The following PRKAR2B variants were observed in gnomAD, a reference collection of about 807,000 sequenced individuals.
The protein encoded by PRKAR2B is protein kinase cAMP-dependent type II regulatory subunit beta.
A neutral mutation model predicts 49.9 loss-of-function variants in PRKAR2B; 14 were observed. That is an observed-to-expected ratio of 0.28 (90% CI 0.19 to 0.44). PRKAR2B has a LOEUF of 0.44. Ranked by LOEUF, PRKAR2B falls within the 20% of genes least tolerant of loss-of-function variation. The probability of loss-of-function intolerance (pLI) is 1.00; values close to 1 mark genes in which losing one functional copy is unlikely to be tolerated. For missense variants in PRKAR2B, 393 were observed against 537.9 expected, an observed-to-expected ratio of 0.73 and a Z score of 2.67; for synonymous variants, 196 against 197.7, an observed-to-expected ratio of 0.99 and a Z score of 0.07.
intron 1 of PRKAR2B, among the ~76,000 whole-genome samples, chr7:107,050,449 A>G (rs978454924): frequency 1.4e-5 from 2 of 144,168 alleles, no homozygotes; most frequent in East Asian, 2.1e-4. Flanking sequence ...ATCTCATTCC[A>G]TGGATTCCAG....
At position 107,065,322 on chromosome 7, in the gene PRKAR2B, ATGTGTGTGTGTGTGTGTGTGTGTGTG is replaced by A. The variant is rs71134248; in HGVS notation, c.308-4929_308-4904del. On this transcript the variant is annotated intron_variant, in intron 1 of 10. Transcript: ENST00000265717. ...ATTTTTGTTTGCTCGGGGTGTGTGT[ATGTGTGTGTGTGTGTGTGTGTGTGTG>A]TGTGTGTGTGTGTGTGTGTGTGTGT... is the stretch of plus-strand genomic sequence containing the variant. Among the ~76,000 whole-genome samples the A allele has an allele frequency of 2.6e-4, 38 of 143,914 alleles. No individual in the cohort carries two copies. The South Asian group carries it at 2.7e-3, about 10-fold the overall frequency. The allele number at this position is 143,914 out of a possible 152,430, so 94.4% of individuals were successfully genotyped here.
At chr7:107,143,208 A>C (rs886561428) in intron 5 of PRKAR2B, among the ~76,000 whole-genome samples, 2 of 152,226 alleles carry the variant, frequency 1.3e-5, no homozygotes, top group African/African-American at 4.8e-5. Flanking sequence ...CAAAAGTATA[A>C]ATAGTGTAAA....
intron 2 of PRKAR2B, among the ~76,000 whole-genome samples, chr7:107,119,129 G>A (rs566844188): frequency 6.6e-6 from 1 of 152,154 alleles, no homozygotes; most frequent in Non-Finnish European, 1.5e-5. Flanking sequence ...AGGACTTAGG[G>A]GCTAGGCACT....
intron 4 of PRKAR2B, among the ~76,000 whole-genome samples, chr7:107,133,263 T>A (rs2191917): frequency 6.6e-6 from 1 of 152,134 alleles, no homozygotes; most frequent in Admixed American, 6.5e-5. Flanking sequence ...GGAATTGCCT[T>A]TTCATATATC....
At chr7:107,076,647 A>G (rs958953265) in intron 2 of PRKAR2B, among the ~76,000 whole-genome samples, 2 of 152,176 alleles carry the variant, frequency 1.3e-5, no homozygotes, top group African/African-American at 4.8e-5. Context: ...ATTATTTCTT[A>G]TAATAGAAGG....
intron 1 of PRKAR2B, among the ~76,000 whole-genome samples, chr7:107,053,290 A>G (rs1793845461): frequency 6.6e-6 from 1 of 152,228 alleles, no homozygotes; most frequent in South Asian, 2.1e-4. Flanking sequence ...ACTTATATGT[A>G]TGATAAAGCT....
intron 2 of PRKAR2B, among the ~76,000 whole-genome samples, chr7:107,070,736 TG>T (rs924292413): frequency 6.6e-6 from 1 of 152,142 alleles, no homozygotes; most frequent in African/African-American, 2.4e-5. Context: ...AGTGTTTTTT[TG>T]TTTGTTTGTT....
intron 2 of PRKAR2B, among the ~76,000 whole-genome samples, chr7:107,105,105 T>A (rs1226098689): frequency 6.6e-6 from 1 of 152,156 alleles, no homozygotes; most frequent in Non-Finnish European, 1.5e-5. Context: ...TCTCAAAAAT[T>A]ATTGTTTTTT....
Position 107,092,277 on chromosome 7 carries a change from C to G in PRKAR2B, c.343+21961C>G, listed in dbSNP as rs201549396. The stretch of plus-strand genomic sequence containing the variant: ...TGTGTGTGTGTGTGTGTGCGTGTGT[C>G]TGTGTGTGTGTGTGTGTCACAGAAT... On this transcript the variant is annotated intron_variant, in intron 2 of 10. Transcript: ENST00000265717. 5.8e-4 allele frequency among the ~76,000 whole-genome samples: 85 copies of G among 146,088 alleles called. 1 individual carries two copies. Among genetic ancestry groups the G allele is most frequent in the African/African-American group, 1.8e-3 (70 of 39,832 alleles).
Position 107,146,612 on chromosome 7 carries a change from CTAA to C in PRKAR2B, c.741+152_741+154del, listed in dbSNP as rs1353918470. The C allele has an allele frequency of 1.5e-5, 13 of 843,536 alleles. No homozygotes were observed. The African/African-American group carries it at 1.5e-4, about 10-fold the overall frequency. The allele number at this position is 843,536 out of a possible 1,614,324, so 52.3% of individuals were successfully genotyped here. A position where few individuals can be genotyped will look rare whatever the true frequency, so the allele number is the denominator to read the frequency against. On this transcript the variant is annotated intron_variant, in intron 6 of 10. Transcript: ENST00000265717. ...CCACTGAATGCTGAACTGTAGGGCACTAAGACTTCACTAAGTCAGATCCTGATG... is the reference window on the plus strand; with the variant it reads ...CCACTGAATGCTGAACTGTAGGGCACGACTTCACTAAGTCAGATCCTGATG...
At position 107,045,102 on chromosome 7, in the gene PRKAR2B, CG is replaced by C. The variant is rs1241346517; in HGVS notation, c.200del (p.Gly67AlafsTer39). ...RTWGDLGAAA[G>X]GGTPSKGVNF... ...CCTGGGGGGACCTGGGCGCCGCTGCCGGGGGCGGCACCCCCAGCAAGGGGGT... is the reference window on the plus strand; with the variant it reads ...CCTGGGGGGACCTGGGCGCCGCTGCCGGGGCGGCACCCCCAGCAAGGGGGT... On this transcript the variant is annotated frameshift_variant, in exon 1 of 11. Coordinates refer to ENST00000265717, the MANE Select transcript of PRKAR2B (RefSeq NM_002736.3). LOFTEE classifies it high-confidence loss of function. 2 of 1,528,200 alleles carry C rather than the reference CG, an allele frequency of 1.3e-6. No homozygotes were observed. Among genetic ancestry groups the C allele is most frequent in the Non-Finnish European group, 1.8e-6 (2 of 1,140,300 alleles). 94.7% of individuals were successfully genotyped at this position (1,528,200 alleles called of 1,614,324 possible). A position where few individuals can be genotyped will look rare whatever the true frequency, so the allele number is the denominator to read the frequency against.
At chr7:107,126,087 TAAA>T (rs34333619) in intron 3 of PRKAR2B, among the ~76,000 whole-genome samples, 7 of 82,270 alleles carry the variant, frequency 8.5e-5, no homozygotes, top group African/African-American at 2.0e-4. Context: ...GACTGTGTCT[TAAA>T]AAAAAAAAAA....
At chr7:107,129,769 T>C (rs1356810115) in intron 4 of PRKAR2B, among the ~76,000 whole-genome samples, 1 of 152,220 alleles carries the variant, frequency 6.6e-6, no homozygotes, top group African/African-American at 2.4e-5. Flanking sequence ...GGGTGGATTA[T>C]TCATGCCTCC....
intron 2 of PRKAR2B, among the ~76,000 whole-genome samples, chr7:107,100,868 G>T: frequency 6.8e-6 from 1 of 147,360 alleles, no homozygotes. Context: ...ATTCTTTATT[G>T]AGTCGTTTTT....
chr7:107,073,924 T>C (rs1042420983), intron 2 of PRKAR2B, among the ~76,000 whole-genome samples: 1 of 151,810 alleles, frequency 6.6e-6, no homozygotes, highest in Admixed American at 6.6e-5. Flanking sequence ...TAGTCAGGCA[T>C]GGTGGCGCGT....
chr7:107,088,326 A>G (rs911841331), intron 2 of PRKAR2B, among the ~76,000 whole-genome samples: 3 of 152,022 alleles, frequency 2.0e-5, no homozygotes, highest in Admixed American at 2.0e-4. Flanking sequence ...CCTAGCACCT[A>G]TTTACATGGT....
At chr7:107,071,914 A>C (rs577719952) in intron 2 of PRKAR2B, among the ~76,000 whole-genome samples, 24 of 151,726 alleles carry the variant, frequency 1.6e-4, no homozygotes, top group African/African-American at 5.8e-4. Flanking sequence ...AAATACAAAA[A>C]CAAAATGAGC....
chr7:107,150,612 A>G (rs924164683), intron 6 of PRKAR2B, among the ~76,000 whole-genome samples: 2 of 151,974 alleles, frequency 1.3e-5, no homozygotes, highest in Admixed American at 6.6e-5. Flanking sequence ...ATATTTAAAA[A>G]TGCTGTGACA....
chr7:107,116,301 G>T (rs1387133596), intron 2 of PRKAR2B, among the ~76,000 whole-genome samples: 1 of 152,152 alleles, frequency 6.6e-6, no homozygotes, highest in African/African-American at 2.4e-5. Flanking sequence ...CTCCTTTGCT[G>T]TGAAGCCTTT....
Sources: gnomAD v4.1 joint callset for allele counts (sites outside exome capture counted in the v4.1 genomes callset) on GRCh38, gnomAD v4.1.1 for gene constraint, MANE v1.5 for transcripts, NCBI Gene and HGNC (gene_info 2026-07-23, HGNC 2026-07-21) for gene names.